Variants in CYTH3 observed in about 807,000 individuals in gnomAD.
The protein encoded by CYTH3 is cytohesin 3, also known as cytohesin-3.
A neutral mutation model predicts 55.1 loss-of-function variants in CYTH3; 23 were observed. That is an observed-to-expected ratio of 0.42 (90% confidence interval 0.30 to 0.59). The LOEUF (loss-of-function observed/expected upper bound fraction) is 0.59. CYTH3 is among the 20% of genes least tolerant of loss of function. The probability of loss-of-function intolerance (pLI) is 0.20; values close to 1 mark genes in which losing one functional copy is unlikely to be tolerated. For synonymous variants in CYTH3, 249 were observed against 194.9 expected, an observed-to-expected ratio of 1.28 and a Z score of -2.31; for missense variants, 413 against 524.8, an observed-to-expected ratio of 0.79 and a Z score of 2.08.
chr7:6,196,398 T>C (rs1279976806), intron 1 of CYTH3, among the ~76,000 whole-genome samples: 3 of 151,410 alleles, frequency 2.0e-5, no homozygotes, highest in African/African-American at 7.3e-5. Context: ...CAGGCAGTTC[T>C]CAAATCTTCA....
chr7:6,188,344 A>G (rs1355341317), intron 2 of CYTH3, among the ~76,000 whole-genome samples: 1 of 151,692 alleles, frequency 6.6e-6, no homozygotes, highest in Non-Finnish European at 1.5e-5. Flanking sequence ...TTTTTTAAAA[A>G]AAACAAAAAA....
At chr7:6,238,081 C>G (rs527640639) in intron 1 of CYTH3, among the ~76,000 whole-genome samples, 1 of 152,316 alleles carries the variant, frequency 6.6e-6, no homozygotes, top group African/African-American at 2.4e-5. Context: ...CCTAGACAAT[C>G]TGTATACTTC....
At chr7:6,216,178 C>T (rs916696318) in intron 1 of CYTH3, among the ~76,000 whole-genome samples, 3 of 151,992 alleles carry the variant, frequency 2.0e-5, no homozygotes, top group East Asian at 1.9e-4. Context: ...TTCTCAATCA[C>T]GTTTCACGGT....
At chr7:6,255,192 CAG>C (rs775090286) in intron 1 of CYTH3, among the ~76,000 whole-genome samples, 3 of 152,176 alleles carry the variant, frequency 2.0e-5, no homozygotes, top group Non-Finnish European at 2.9e-5. Flanking sequence ...CTAGAAATGA[CAG>C]AGCTGCAGAT....
intron 11 of CYTH3, 58 bp from the exon 12 acceptor site, chr7:6,165,485 G>A: frequency 1.2e-6 from 2 of 1,609,826 alleles, no homozygotes; most frequent in African/African-American, 1.3e-5. Flanking sequence ...GTTCCCTGCA[G>A]GCAGTGAGGA....
rs1583187153 is a variant in CYTH3 at position 6,238,091 on chromosome 7, CAT to C, written c.34+34381_34+34382del. Among the ~76,000 whole-genome samples, 7 of 152,308 alleles carry C rather than the reference CAT, an allele frequency of 4.6e-5. No individual in the cohort carries two copies. The East Asian group carries it at 1.3e-3, about 29-fold the overall frequency. On this transcript the variant is annotated intron_variant, in intron 1 of 12. Transcript: ENST00000350796. ...AATATCCTAGACAATCTGTATACTT[CAT>C]CAAGTCTCCTTAGAGGTTATTATTG...
chr7:6,180,738 A>G (rs1354409977), intron 4 of CYTH3, among the ~76,000 whole-genome samples: 1 of 152,246 alleles, frequency 6.6e-6, no homozygotes, highest in African/African-American at 2.4e-5. Flanking sequence ...ATTTTAAAAT[A>G]CCATTTAAAA....
chr7:6,230,524 G>A (rs1011947414), intron 1 of CYTH3, among the ~76,000 whole-genome samples: 8 of 152,126 alleles, frequency 5.3e-5, no homozygotes. Context: ...TGTGTCTTAG[G>A]GGACTGAAAT....
chr7:6,190,389 A>C (rs1009232635), intron 2 of CYTH3, 60 bp downstream of exon 2: 2 of 1,106,074 alleles, frequency 1.8e-6, no homozygotes, highest in Non-Finnish European at 2.3e-6. Flanking sequence ...CTCTTTTACT[A>C]TTTTACTCAA....
intron 1 of CYTH3, among the ~76,000 whole-genome samples, chr7:6,269,224 C>G (rs1780588410): frequency 6.6e-6 from 1 of 152,146 alleles, no homozygotes; most frequent in South Asian, 2.1e-4. Context: ...ATGGGCTGAC[C>G]CTGCCTGTGG....
intron 5 of CYTH3, among the ~76,000 whole-genome samples, chr7:6,175,559 T>TTC (rs1353976325): frequency 6.8e-6 from 1 of 147,808 alleles, no homozygotes; most frequent in Admixed American, 6.7e-5. Context: ...TTTTTTTTTT[T>TTC]TTTTTTTTGA....
intron 1 of CYTH3, among the ~76,000 whole-genome samples, chr7:6,202,660 T>A (rs1460934715): frequency 6.6e-6 from 1 of 152,022 alleles, no homozygotes; most frequent in Non-Finnish European, 1.5e-5. Context: ...AAGGGGTTTC[T>A]CCATGTTAGG....
At chr7:6,192,707 A>G (rs764992040) in intron 1 of CYTH3, among the ~76,000 whole-genome samples, 28 of 149,738 alleles carry the variant, frequency 1.9e-4, no homozygotes, top group Non-Finnish European at 4.5e-5. Flanking sequence ...AATTTTTTGT[A>G]TTTTTAGTAG....
intron 1 of CYTH3, among the ~76,000 whole-genome samples, chr7:6,260,521 A>G (rs1780326991): frequency 1.3e-5 from 2 of 152,086 alleles, no homozygotes; most frequent in South Asian, 2.1e-4. Context: ...CAGCAAAGAC[A>G]CACCTTCCCC....
chr7:6,187,882 T>G (rs563668182), intron 2 of CYTH3, among the ~76,000 whole-genome samples, 161 bp from the exon 3 acceptor site: 2 of 152,192 alleles, frequency 1.3e-5, no homozygotes, highest in African/African-American at 4.8e-5. Flanking sequence ...TAGAGCTTCA[T>G]AGTCAAAGCC....
At chr7:6,218,778 G>A (rs1253714513) in intron 1 of CYTH3, among the ~76,000 whole-genome samples, 2 of 152,008 alleles carry the variant, frequency 1.3e-5, no homozygotes, top group East Asian at 1.9e-4. Context: ...AGGCCGAGGC[G>A]GGCAGGTCAC....
chr7:6,172,412 C>A lies in CYTH3; in HGVS notation c.450-1098G>T, dbSNP rs543374816. 2.6e-5 allele frequency among the ~76,000 whole-genome samples: 4 copies of A among 152,164 alleles called. No homozygotes were observed. In the East Asian group the frequency reaches 7.8e-4, roughly 30 times the overall value. ...CACCCCTCACTCCCTCTCTGCCCCA[C>A]ATTCACCAGCAAAGCATGCACCTGC... On this transcript the variant is annotated intron_variant, in intron 6 of 12. Coordinates refer to ENST00000350796, the MANE Select transcript of CYTH3 (RefSeq NM_004227.4).
chr7:6,219,655 G>T lies in CYTH3; in HGVS notation c.35-29124C>A, dbSNP rs767024834. On this transcript the variant is annotated intron_variant, in intron 1 of 12. Coordinates refer to ENST00000350796, the MANE Select transcript of CYTH3 (RefSeq NM_004227.4). ...AACCGCACAGGTAAGATCTATGGAGGGCCCTCTTGTCCCCTGTGAAATCCC... is the reference window on the plus strand; with the variant it reads ...AACCGCACAGGTAAGATCTATGGAGTGCCCTCTTGTCCCCTGTGAAATCCC... Among the ~76,000 whole-genome samples the T allele has an allele frequency of 4.6e-5, 7 of 152,258 alleles. No individual in the cohort carries two copies. In the South Asian group the frequency reaches 8.3e-4, roughly 18 times the overall value.
intron 1 of CYTH3, among the ~76,000 whole-genome samples, chr7:6,250,078 T>C (rs1309208197): frequency 1.3e-5 from 2 of 152,158 alleles, no homozygotes; most frequent in African/African-American, 2.4e-5. Flanking sequence ...GGGATGGAAA[T>C]TTGTTGTCCT....
Sources: gnomAD v4.1 joint callset for allele counts (sites outside exome capture counted in the v4.1 genomes callset) on GRCh38, gnomAD v4.1.1 for gene constraint, MANE v1.5 for transcripts, NCBI Gene and HGNC (gene_info 2026-07-23, HGNC 2026-07-21) for gene names.